Variants in VCPKMT observed in about 807,000 individuals in gnomAD.
VCPKMT encodes valosin containing protein lysine methyltransferase, also known as protein N-lysine methyltransferase METTL21D.
Under a neutral mutation model 28.6 loss-of-function variants are expected in VCPKMT, and 32 were observed. That is an observed-to-expected ratio of 1.12 (90% CI 0.84 to 1.50). VCPKMT has a LOEUF of 1.50. Among genes scored for constraint, VCPKMT ranks in the 40% most tolerant of loss-of-function variants. The probability of loss-of-function intolerance (pLI) is 0.00; values close to 1 mark genes in which losing one functional copy is unlikely to be tolerated. For synonymous variants in VCPKMT, 138 were observed against 111.4 expected (o/e 1.24, Z -1.50); for missense variants, 366 against 285.0 (o/e 1.28, Z -2.05).
intron 3 of VCPKMT, 115 bp downstream of exon 3, chr14:50,115,724 C>T (rs1029346652): frequency 8.0e-7 from 1 of 1,255,308 alleles, no homozygotes; most frequent in African/African-American, 1.5e-5. Context: ...ACTGCATCAA[C>T]TATAAGGCAA....
intron 1 of VCPKMT, 39 bp from the exon 2 acceptor site, chr14:50,116,218 GA>G: frequency 6.2e-7 from 1 of 1,612,978 alleles, no homozygotes; most frequent in Non-Finnish European, 8.5e-7. Context: ...GCACAGGGGG[GA>G]AAGCCTGTAA....
rs1566812129 is a variant in VCPKMT, at chr14:50,116,519, GGTCCTCCAGCGA to G, written c.22_33del (p.Ser8_Asp11del). The G allele has an allele frequency of 6.2e-7, 1 of 1,613,360 alleles. No individual in the cohort carries two copies. Among genetic ancestry groups the G allele is most frequent in the Non-Finnish European group, 8.5e-7 (1 of 1,179,746 alleles). Reference sequence around the variant, plus strand: ...AAAACTCGCACAAAGCTCCGCAGTGGGTCCTCCAGCGAGGACTCCAGCGTATCCGCCATTGCG... The same window carrying G: ...AAAACTCGCACAAAGCTCCGCAGTGGGGACTCCAGCGTATCCGCCATTGCG... On this transcript the variant is annotated inframe_deletion, in exon 1 of 6. Transcript: ENST00000395860.
At position 50,116,561 on chromosome 14, in the gene VCPKMT, G is replaced by A. The variant is rs958542889; in HGVS notation, c.-9C>T. 1.9e-6 allele frequency: 3 copies of A among 1,596,516 alleles called. No individual in the cohort carries two copies. Among genetic ancestry groups the A allele is most frequent in the South Asian group, 2.2e-5 (2 of 90,358 alleles). On this transcript the variant is annotated 5_prime_UTR_variant, in exon 1 of 6. Coordinates refer to ENST00000395860, the MANE Select transcript of VCPKMT (RefSeq NM_024558.3). ...TCCAGCGTATCCGCCATTGCGCCCG[G>A]CAACAGAAAGCGGCGCGCGCAGGGA...
At chr14:50,115,745 C>G in intron 3 of VCPKMT, 94 bp downstream of exon 3, 1 of 1,431,360 alleles carries the variant, frequency 7.0e-7, no homozygotes, top group South Asian at 1.3e-5. Context: ...ATCCCGGATT[C>G]AAAGATGTTA....
At chr14:50,111,932 G>A in intron 5 of VCPKMT, 1 of 985,140 alleles carries the variant, frequency 1.0e-6, no homozygotes. Context: ...TCTTTCTACA[G>A]GCTCAAACCC....
chr14:50,103,791 C>A (rs1372908222), downstream of VCPKMT, among the ~76,000 whole-genome samples: 1 of 152,154 alleles, frequency 6.6e-6, no homozygotes, highest in African/African-American at 2.4e-5. Context: ...CGTGACTGGG[C>A]AGCAATGTTT....
downstream of VCPKMT, among the ~76,000 whole-genome samples, chr14:50,105,455 A>T (rs1882286953): frequency 6.6e-6 from 1 of 152,110 alleles, no homozygotes; most frequent in Admixed American, 6.5e-5. Context: ...ACATGGTGAA[A>T]CCCCATCTCT....
At chr14:50,115,145 GTTT>G (rs745531021) in intron 3 of VCPKMT, among the ~76,000 whole-genome samples, 54 of 90,362 alleles carry the variant, frequency 6.0e-4, no homozygotes, top group African/African-American at 2.5e-3. Context: ...ACAAACTGAT[GTTT>G]TTTTTTTTTT....
chr14:50,115,164 TTTTTTG>T (rs1407771190), intron 3 of VCPKMT, among the ~76,000 whole-genome samples: 27 of 80,178 alleles, frequency 3.4e-4, no homozygotes, highest in Admixed American at 2.8e-3. Context: ...TTTTTTTTTT[TTTTTTG>T]AGACAGAGTT....
chr14:50,116,245 CAAG>C, intron 1 of VCPKMT, 39 bp downstream of exon 1: 1 of 1,610,904 alleles, frequency 6.2e-7, no homozygotes. Flanking sequence ...ATTTCCCCAG[CAAG>C]AAGGCGCCCC....
Position 50,112,632 on chromosome 14 carries a change from T to C in VCPKMT, c.658A>G (p.Ile220Val). The change falls in exon 5 of 6, where the codon ATC becomes GTC. Residue 220 changes from isoleucine to valine, a missense_variant. Ile to Val is a conservative substitution (Grantham distance 29). Coordinates refer to ENST00000395860, the MANE Select transcript of VCPKMT (RefSeq NM_024558.3). ...YRSEDIHIIY[I>V]RKKKSKFPS is the part of the protein sequence containing the mutation. ...TTATTTACCGATTTTTTCTTTCTGA[T>C]GTATATAATATGAATATCTTCACTT... 1 of 1,551,854 alleles carries C rather than the reference T, an allele frequency of 6.4e-7. No individual in the cohort carries two copies. Among genetic ancestry groups the C allele is most frequent in the Non-Finnish European group, 8.8e-7 (1 of 1,141,826 alleles).
At chr14:50,110,877 T>C (rs1337285771) in intron 5 of VCPKMT, among the ~76,000 whole-genome samples, 2 of 152,216 alleles carry the variant, frequency 1.3e-5, no homozygotes, top group Non-Finnish European at 1.5e-5. Flanking sequence ...TCGAGAATAC[T>C]GTGCTGAGTG....
At chr14:50,106,859 CA>C (rs1460030442), downstream of VCPKMT, among the ~76,000 whole-genome samples, 2 of 152,122 alleles carry the variant, frequency 1.3e-5, no homozygotes, top group Non-Finnish European at 2.9e-5. Context: ...GATGGGACTA[CA>C]GGTGTACACC....
chr14:50,108,285 G>A (rs1167006229), downstream of VCPKMT, among the ~76,000 whole-genome samples: 1 of 151,550 alleles, frequency 6.6e-6, no homozygotes, highest in Non-Finnish European at 1.5e-5. Context: ...TATAGTCAAG[G>A]TCAAACTTAT....
At chr14:50,106,652 G>C (rs1234556526), downstream of VCPKMT, 1 of 984,884 alleles carries the variant, frequency 1.0e-6, no homozygotes, top group Non-Finnish European at 1.2e-6. Flanking sequence ...CAGCCAGAAA[G>C]AGAAATACTG....
Position 50,108,721 on chromosome 14 carries a change from A to G in VCPKMT, c.*978T>C. The stretch of plus-strand genomic sequence containing the variant: ...AATACCAGAATTCCATCCGGTTACT[A>G]CTCTTTGGAACAAGTATGATTAAAG... On this transcript the variant is annotated 3_prime_UTR_variant, in exon 6 of 6. Transcript: ENST00000395860. 1 of 985,698 alleles carries G rather than the reference A, an allele frequency of 1.0e-6. No homozygotes were observed. The highest frequency in any genetic ancestry group is 1.1e-4 in the East Asian group (1 of 8,828). The allele number at this position is 985,698 out of a possible 1,614,324, so 61.1% of individuals were successfully genotyped here. A position where few individuals can be genotyped will look rare whatever the true frequency, so the allele number is the denominator to read the frequency against.
At position 50,110,803 on chromosome 14, in the gene VCPKMT, A is replaced by C. The variant is rs551034917; in HGVS notation, c.676-1090T>G. Among the ~76,000 whole-genome samples, 74 of 152,358 alleles carry C rather than the reference A, an allele frequency of 4.9e-4. 1 individual carries two copies. The highest frequency in any genetic ancestry group is 6.8e-3 in the Middle Eastern group (2 of 294). On this transcript the variant is annotated intron_variant, in intron 5 of 5. Coordinates refer to ENST00000395860, the MANE Select transcript of VCPKMT (RefSeq NM_024558.3). ...GGATAAGGTGTGGTACAGCCACATA[A>C]AGGAATATTATTCAGCCACAAAAAG... is the stretch of plus-strand genomic sequence containing the variant.
intron 5 of VCPKMT, 130 bp downstream of exon 5, chr14:50,112,485 C>T (rs1882755519): frequency 1.7e-6 from 1 of 573,000 alleles, no homozygotes; most frequent in East Asian, 3.7e-5. Flanking sequence ...GAAGTTACTG[C>T]CTGAGTCCAG....
chr14:50,111,162 T>C, intron 5 of VCPKMT: 2 of 953,842 alleles, frequency 2.1e-6, no homozygotes, highest in Non-Finnish European at 2.5e-6. Context: ...AACTAAAAAA[T>C]AAGAGTTTTT....
Sources: allele counts gnomAD v4.1 joint callset (sites outside exome capture counted in the v4.1 genomes callset), GRCh38; gene constraint gnomAD v4.1.1; transcripts MANE v1.5; gene names NCBI Gene and HGNC (gene_info 2026-07-23, HGNC 2026-07-21).